Variants in MYO9B observed in about 807,000 individuals in gnomAD.
MYO9B encodes unconventional myosin-IXb.
MYO9B carries 71 observed loss-of-function variants against 229.5 expected under a neutral mutation model. That is an observed-to-expected ratio of 0.31 (90% CI 0.26 to 0.38). The LOEUF (loss-of-function observed/expected upper bound fraction) is 0.38, where lower values mean the gene tolerates loss of function less well. Among genes scored for constraint, MYO9B ranks in the 10% least tolerant of loss-of-function variants. The pLI, the probability that MYO9B is intolerant of heterozygous loss-of-function variation, is 1.00. For synonymous variants in MYO9B, 1,185 were observed against 1,235.8 expected (o/e 0.96, Z 0.86); for missense variants, 2,255 against 2,920.5 (o/e 0.77, Z 5.25).
intron 2 of MYO9B, among the ~76,000 whole-genome samples, chr19:17,142,634 G>A (rs904859235): frequency 2.6e-5 from 4 of 151,940 alleles, no homozygotes; most frequent in African/African-American, 7.3e-5. Flanking sequence ...TTGCACCTTC[G>A]CAGACTAGAT....
At chr19:17,143,695 G>GT (rs376675428) in intron 2 of MYO9B, among the ~76,000 whole-genome samples, 2 of 151,954 alleles carry the variant, frequency 1.3e-5, no homozygotes, top group Non-Finnish European at 1.5e-5. Flanking sequence ...GGCCGGGGCG[G>GT]GCAGATCATG....
chr19:17,099,417 C>A (rs1033462039), intron 1 of MYO9B: 1 of 151,968 alleles, frequency 6.6e-6, no homozygotes, highest in Non-Finnish European at 1.5e-5. Flanking sequence ...CCGTTGGGTA[C>A]GATGTTCACT....
chr19:17,161,166 T>A (rs2072597553), intron 8 of MYO9B, among the ~76,000 whole-genome samples: 1 of 151,976 alleles, frequency 6.6e-6, no homozygotes, highest in African/African-American at 2.4e-5. Context: ...GGGCCTGAAG[T>A]TAGTTAGACC....
At position 17,188,428 on chromosome 19, in the gene MYO9B, C is replaced by CA. The variant is rs1182917762; in HGVS notation, c.2688+405dup. On this transcript the variant is annotated intron_variant, in intron 19 of 39. Coordinates refer to ENST00000682292, the MANE Select transcript of MYO9B (RefSeq NM_004145.4). Reference sequence around the variant, plus strand: ...TGGGCAACAGAGCAAGACTCCATCTCAAAAAAAAAAAAAAAAAAAAAAGAA... The same window carrying CA: ...TGGGCAACAGAGCAAGACTCCATCTCAAAAAAAAAAAAAAAAAAAAAAAGAA... Among the ~76,000 whole-genome samples, 475 of 92,370 alleles carry CA rather than the reference C, an allele frequency of 5.1e-3. 13 individuals carry two copies. The highest frequency in any genetic ancestry group is 0.013 in the African/African-American group (310 of 24,108). The allele number at this position is 92,370 out of a possible 152,430, so 60.6% of individuals were successfully genotyped here.
chr19:17,174,022 CTTTTTTTTTTTTT>C (rs11313520), intron 13 of MYO9B, among the ~76,000 whole-genome samples: 48 of 64,738 alleles, frequency 7.4e-4, no homozygotes, highest in Non-Finnish European at 1.0e-3. Flanking sequence ...TGATGAGCTG[CTTTTTTTTTTTTT>C]TTTTTTTTTT....
chr19:17,210,216 G>A, intron 36 of MYO9B, 117 bp from the exon 37 acceptor site: 1 of 1,054,158 alleles, frequency 9.5e-7, no homozygotes, highest in Non-Finnish European at 1.3e-6. Flanking sequence ...AACGGGCTCT[G>A]GGCTCCTGTG....
chr19:17,196,477 G>A (rs779532198), intron 22 of MYO9B, among the ~76,000 whole-genome samples: 22 of 152,072 alleles, frequency 1.4e-4, no homozygotes, highest in Non-Finnish European at 3.2e-4. Flanking sequence ...TTTGAGAGGA[G>A]TTCGAGACCA....
intron 11 of MYO9B, among the ~76,000 whole-genome samples, chr19:17,170,724 T>C (rs1234318961): frequency 7.4e-6 from 1 of 135,296 alleles, no homozygotes; most frequent in Non-Finnish European, 1.5e-5. Flanking sequence ...CTCAGGAGGC[T>C]GAGGCAGGAG....
chr19:17,104,414 T>C (rs993438854), intron 2 of MYO9B, among the ~76,000 whole-genome samples: 6 of 152,166 alleles, frequency 3.9e-5, no homozygotes, highest in Non-Finnish European at 8.8e-5. Context: ...TGGGTGAGTC[T>C]TGTGGCCACA....
intron 2 of MYO9B, among the ~76,000 whole-genome samples, chr19:17,120,055 T>G (rs1438580416): frequency 6.6e-6 from 1 of 152,156 alleles, no homozygotes; most frequent in Non-Finnish European, 1.5e-5. Context: ...TCCCAGCTAC[T>G]CAGGAGGCTG....
intron 35 of MYO9B, 102 bp from the exon 36 acceptor site, chr19:17,209,484 G>C: frequency 2.3e-6 from 3 of 1,315,734 alleles, no homozygotes; most frequent in Non-Finnish European, 3.1e-6. Context: ...TGGTCTCTGA[G>C]CCTCAACCAC....
rs138958500 is a variant in MYO9B at position 17,154,463 on chromosome 19, C to T, written c.1199+48C>T. On this transcript the variant is annotated intron_variant, in intron 6 of 39. Coordinates refer to ENST00000682292, the MANE Select transcript of MYO9B (RefSeq NM_004145.4). ...CCTGTCCCCCAGAGCCTACAGGGGG[C>T]ACGCATGGCCCTTACCAGTCACTCT... The T allele has an allele frequency of 5.3e-4, 757 of 1,419,712 alleles. 8 individuals are homozygous for T. In the African/African-American group the frequency reaches 9.9e-3, roughly 19 times the overall value. The allele number at this position is 1,419,712 out of a possible 1,614,324, so 87.9% of individuals were successfully genotyped here. A position where few individuals can be genotyped will look rare whatever the true frequency, so the allele number is the denominator to read the frequency against.
chr19:17,180,797 C>T (rs1168293064), intron 14 of MYO9B, 130 bp from the exon 15 acceptor site: 8 of 604,398 alleles, frequency 1.3e-5, no homozygotes, highest in Middle Eastern at 2.6e-4. Flanking sequence ...CAGTGTCTTT[C>T]CCCCAGCTGC....
chr19:17,131,143 T>A (rs2072190800), intron 2 of MYO9B, among the ~76,000 whole-genome samples: 1 of 152,204 alleles, frequency 6.6e-6, no homozygotes, highest in Admixed American at 6.6e-5. Context: ...CCCACCCTGC[T>A]CCTTGGTTAT....
intron 2 of MYO9B, among the ~76,000 whole-genome samples, chr19:17,119,614 A>C (rs528920419): frequency 2.7e-4 from 41 of 152,020 alleles, no homozygotes; most frequent in Admixed American, 4.6e-4. Context: ...CAGGAGGATC[A>C]TTTGAGCTCA....
At chr19:17,199,077 C>T (rs1363016849) in intron 24 of MYO9B, among the ~76,000 whole-genome samples, 1 of 152,102 alleles carries the variant, frequency 6.6e-6, no homozygotes, top group African/African-American at 2.4e-5. Context: ...GCGGTGCATG[C>T]CTGTAGTCCC....
intron 1 of MYO9B, among the ~76,000 whole-genome samples, chr19:17,096,704 TGG>T (rs1491255953): frequency 0.12 from 4,838 of 39,236 alleles, 257 homozygotes; most frequent in South Asian, 0.2. Flanking sequence ...TTGTTGTTGT[TGG>T]TTTTTTTTTT....
intron 1 of MYO9B, among the ~76,000 whole-genome samples, chr19:17,097,380 A>C (rs1231021140): frequency 6.6e-6 from 1 of 151,962 alleles, no homozygotes; most frequent in Non-Finnish European, 1.5e-5. Context: ...TATCTTAGAT[A>C]GTAAAAATAA....
At chr19:17,134,687 C>G (rs2072247550) in intron 2 of MYO9B, among the ~76,000 whole-genome samples, 1 of 151,754 alleles carries the variant, frequency 6.6e-6, no homozygotes, top group Non-Finnish European at 1.5e-5. Context: ...CATGCTCAGC[C>G]AGGATCTCCT....
Sources: gnomAD v4.1 joint callset for allele counts (sites outside exome capture counted in the v4.1 genomes callset) on GRCh38, gnomAD v4.1.1 for gene constraint, MANE v1.5 for transcripts, NCBI Gene and HGNC (gene_info 2026-07-23, HGNC 2026-07-21) for gene names.